The following PDIA6 variants were observed in gnomAD, a reference collection of about 807,000 sequenced individuals.
The protein encoded by PDIA6 is protein disulfide-isomerase A6.
In PDIA6, 29 loss-of-function variants were observed where a neutral mutation model predicts 58.4. The ratio of observed to expected loss-of-function variants is 0.50; its 90% CI spans 0.37 to 0.68. The LOEUF (loss-of-function observed/expected upper bound fraction) is 0.68. Ranked by LOEUF, PDIA6 falls within the 30% of genes least tolerant of loss-of-function variation. The pLI, the probability that PDIA6 is intolerant of heterozygous loss-of-function variation, is 0.00. For synonymous variants in PDIA6, 192 were observed against 202.6 expected, an observed-to-expected ratio of 0.95 and a Z score of 0.44; for missense variants, 480 against 551.0, an observed-to-expected ratio of 0.87 and a Z score of 1.29.
At chr2:10,836,663 A>G (rs763425180), upstream of PDIA6, among the ~76,000 whole-genome samples, 76 of 151,890 alleles carry the variant, frequency 5.0e-4, no homozygotes, top group Non-Finnish European at 7.5e-4. Context: ...GCAATTCCAG[A>G]ACACTTCATC....
intron 2 of PDIA6, among the ~76,000 whole-genome samples, chr2:10,818,478 TTTAA>T (rs749599433): frequency 0.18 from 21,644 of 120,898 alleles, 2,223 homozygotes; most frequent in African/African-American, 0.27. Flanking sequence ...ACTTTAACCA[TTTAA>T]TTTATTTATT....
chr2:10,813,713 G>A (rs7570055), upstream of PDIA6, among the ~76,000 whole-genome samples: 10,133 of 152,038 alleles, frequency 0.067, 1,130 homozygotes, highest in African/African-American at 0.23. Flanking sequence ...TTGGCTCACT[G>A]CAACCTCTGC....
chr2:10,808,006 C>T (rs771840498), intron 1 of PDIA6, among the ~76,000 whole-genome samples: 7 of 152,186 alleles, frequency 4.6e-5, no homozygotes, highest in Admixed American at 6.5e-5. Flanking sequence ...TAAAGTGGTT[C>T]TGTACGCTAT....
intron 1 of PDIA6, among the ~76,000 whole-genome samples, chr2:10,827,286 C>G (rs2148581114): frequency 6.6e-6 from 1 of 152,120 alleles, no homozygotes; most frequent in Admixed American, 6.5e-5. Context: ...TGGTCTCAAA[C>G]TTCTGACCTC....
rs202243910 is a variant in PDIA6 at position 10,784,186 on chromosome 2, TG to T, written c.*71del. ...GGTAGAGTCATCTGAGTGTAGAGAA[TG>T]TCCCTTCACTGCTGGAAAAATCCAC... On this transcript the variant is annotated 3_prime_UTR_variant, in exon 13 of 13. Coordinates refer to ENST00000272227, the MANE Select transcript of PDIA6 (RefSeq NM_005742.4). 7,744 of 1,136,984 alleles carry T rather than the reference TG, an allele frequency of 6.8e-3. 365 individuals carry two copies. In the African/African-American group the frequency reaches 0.099, roughly 15 times the overall value. The allele number at this position is 1,136,984 out of a possible 1,614,324, so 70.4% of individuals were successfully genotyped here.
At chr2:10,832,351 C>T (rs1667733176) in exon 1 of PDIA6, 2 of 883,120 alleles carry the variant, frequency 2.3e-6, no homozygotes, top group Non-Finnish European at 2.7e-6. Flanking sequence ...GCAGTGCAGC[C>T]GTGAGAATGA....
chr2:10,824,347 C>G (rs540080731), intron 1 of PDIA6, among the ~76,000 whole-genome samples: 1 of 152,226 alleles, frequency 6.6e-6, no homozygotes, highest in East Asian at 1.9e-4. Context: ...GCCGATGACA[C>G]CTGTCGAGTG....
chr2:10,788,150 G>A (rs1315470776), intron 10 of PDIA6, among the ~76,000 whole-genome samples: 1 of 151,742 alleles, frequency 6.6e-6, no homozygotes. Context: ...CAGAAGAGGA[G>A]AAGGAAACAA....
chr2:10,837,110 G>C (rs1268223267), upstream of PDIA6, among the ~76,000 whole-genome samples: 1 of 152,172 alleles, frequency 6.6e-6, no homozygotes, highest in Non-Finnish European at 1.5e-5. Context: ...TCCAGGGGCA[G>C]CAGGATCAAG....
At chr2:10,837,066 A>C (rs1283436761), upstream of PDIA6, among the ~76,000 whole-genome samples, 1 of 152,178 alleles carries the variant, frequency 6.6e-6, no homozygotes, top group Non-Finnish European at 1.5e-5. Flanking sequence ...CAGAACCCCA[A>C]ATCTGCCTGG....
chr2:10,815,723 T>G (rs1461962091), upstream of PDIA6, among the ~76,000 whole-genome samples: 2 of 152,136 alleles, frequency 1.3e-5, no homozygotes, highest in Non-Finnish European at 2.9e-5. Flanking sequence ...TTTTGTATTT[T>G]TAGTAGAGAC....
chr2:10,804,071 G>A (rs898802956), intron 1 of PDIA6, among the ~76,000 whole-genome samples: 1 of 151,754 alleles, frequency 6.6e-6, no homozygotes, highest in African/African-American at 2.4e-5. Flanking sequence ...ACCACGCCTG[G>A]CTAATTTTTT....
upstream of PDIA6, among the ~76,000 whole-genome samples, chr2:10,813,560 CA>C (rs1667098480): frequency 6.6e-6 from 1 of 152,236 alleles, no homozygotes; most frequent in Non-Finnish European, 1.5e-5. Context: ...TCCTGGGCTG[CA>C]GTGAGCCTCC....
chr2:10,831,716 C>T (rs976880773), intron 1 of PDIA6, among the ~76,000 whole-genome samples: 1 of 152,128 alleles, frequency 6.6e-6, no homozygotes, highest in Non-Finnish European at 1.5e-5. Flanking sequence ...TCCTTCATCG[C>T]GTGATTGTGT....
intron 2 of PDIA6, among the ~76,000 whole-genome samples, chr2:10,800,809 C>T (rs1666478316): frequency 6.6e-6 from 1 of 152,008 alleles, no homozygotes; most frequent in African/African-American, 2.4e-5. Context: ...TAGGGTCTTG[C>T]CACATTGCCC....
chr2:10,816,522 CTTTCTT>C (rs1667201220), upstream of PDIA6, among the ~76,000 whole-genome samples: 1 of 138,218 alleles, frequency 7.2e-6, no homozygotes, highest in African/African-American at 2.8e-5. Flanking sequence ...CCTTTTTGTG[CTTTCTT>C]TTTTTTTTTT....
In PDIA6 at chr2:10,783,635, C is replaced by CAAAG. The variant is rs1246884080; in HGVS notation, c.*619_*622dup. On this transcript the variant is annotated 3_prime_UTR_variant, in exon 13 of 13. Coordinates refer to ENST00000272227, the MANE Select transcript of PDIA6 (RefSeq NM_005742.4). ...TAATAATTAGTCACTAGAGACAGCC[C>CAAAG]AAAGACAAATATTGGGCAGGAAATC... 1 of 169,234 alleles carries CAAAG rather than the reference C, an allele frequency of 5.9e-6. No individual in the cohort carries two copies. Among genetic ancestry groups the CAAAG allele is most frequent in the Non-Finnish European group, 1.3e-5 (1 of 79,414 alleles). The allele number at this position is 169,234 out of a possible 1,614,324, so 10.5% of individuals were successfully genotyped here.
At chr2:10,820,550 T>G (rs1186068752) in intron 1 of PDIA6, among the ~76,000 whole-genome samples, 1 of 152,208 alleles carries the variant, frequency 6.6e-6, no homozygotes. Context: ...AAGTTTCTAG[T>G]TTTTCTAGTT....
chr2:10,811,174 CTA>C, intron 1 of PDIA6, among the ~76,000 whole-genome samples: 1 of 152,272 alleles, frequency 6.6e-6, no homozygotes, highest in African/African-American at 2.4e-5. Flanking sequence ...ACTAAACAGA[CTA>C]AACTCTTTTC....
Sources: gnomAD v4.1 joint callset for allele counts (sites outside exome capture counted in the v4.1 genomes callset) on GRCh38, gnomAD v4.1.1 for gene constraint, MANE v1.5 for transcripts, NCBI Gene and HGNC (gene_info 2026-07-23, HGNC 2026-07-21) for gene names.